Variants in CUX2 observed in about 807,000 individuals in gnomAD.
The protein encoded by CUX2 is homeobox protein cut-like 2.
Under a neutral mutation model 144.8 loss-of-function variants are expected in CUX2, and 40 were observed. That is an observed-to-expected ratio of 0.28 (90% CI 0.21 to 0.36). The LOEUF is 0.36. CUX2 is among the 10% of genes least tolerant of loss of function. CUX2 has a pLI of 1.00. For synonymous variants in CUX2, 827 were observed against 875.6 expected (o/e 0.94, Z 0.98); for missense variants, 1,615 against 1,994.0 (o/e 0.81, Z 3.62).
intron 20 of CUX2, chr12:111,339,411 C>T (rs1260953145): frequency 6.6e-6 from 1 of 152,168 alleles, no homozygotes; most frequent in East Asian, 1.9e-4. Context: ...TGGCCCATTA[C>T]CCAGATTCTA....
chr12:111,166,324 C>T (rs987111690), intron 1 of CUX2, among the ~76,000 whole-genome samples: 3 of 152,170 alleles, frequency 2.0e-5, no homozygotes, highest in African/African-American at 4.8e-5. Context: ...GCCCAGCCTG[C>T]GACATTTATT....
At chr12:111,326,783 A>G (rs1421575477) in intron 18 of CUX2, among the ~76,000 whole-genome samples, 1 of 152,048 alleles carries the variant, frequency 6.6e-6, no homozygotes, top group Non-Finnish European at 1.5e-5. Flanking sequence ...ACGCATCTGT[A>G]ATCCCAGCTA....
At chr12:111,079,695 C>T (rs1030250774) in intron 1 of CUX2, among the ~76,000 whole-genome samples, 4 of 152,202 alleles carry the variant, frequency 2.6e-5, no homozygotes, top group African/African-American at 7.2e-5. Flanking sequence ...CTTTGCACAT[C>T]CCTCAGCGGC....
chr12:111,269,339 G>A (rs960104771), intron 4 of CUX2, among the ~76,000 whole-genome samples: 6 of 152,246 alleles, frequency 3.9e-5, no homozygotes, highest in Non-Finnish European at 4.4e-5. Context: ...AAGGTTATTG[G>A]AGCAAAAAGA....
chr12:111,134,618 C>CTGTGTG (rs773865569), intron 1 of CUX2, among the ~76,000 whole-genome samples: 91 of 146,224 alleles, frequency 6.2e-4, no homozygotes, highest in Middle Eastern at 3.5e-3. Context: ...CTCTCTCTCT[C>CTGTGTG]TCTGTGTGTG....
chr12:111,128,513 C>T (rs1875236627), intron 1 of CUX2, among the ~76,000 whole-genome samples: 2 of 152,202 alleles, frequency 1.3e-5, no homozygotes, highest in Non-Finnish European at 2.9e-5. Context: ...TCAGGGCCTG[C>T]TTGGGCCCAA....
At chr12:111,066,714 C>A (rs1871036252) in intron 1 of CUX2, among the ~76,000 whole-genome samples, 1 of 152,192 alleles carries the variant, frequency 6.6e-6, no homozygotes, top group African/African-American at 2.4e-5. Context: ...CTTGACTGCT[C>A]TAAGGAGGAG....
intron 1 of CUX2, among the ~76,000 whole-genome samples, chr12:111,079,549 G>A (rs372216545): frequency 8.5e-5 from 13 of 152,114 alleles, no homozygotes; most frequent in East Asian, 3.9e-4. Context: ...TGTCTTCCTC[G>A]TTGCTGTTGG....
At chr12:111,148,395 C>T (rs1412693344) in intron 1 of CUX2, among the ~76,000 whole-genome samples, 6 of 151,642 alleles carry the variant, frequency 4.0e-5, no homozygotes, top group East Asian at 1.9e-4. Flanking sequence ...ATGGAGAGTT[C>T]GTGTTTGATG....
intron 3 of CUX2, among the ~76,000 whole-genome samples, chr12:111,244,550 T>G (rs912701449): frequency 6.6e-6 from 1 of 152,258 alleles, no homozygotes; most frequent in South Asian, 2.1e-4. Context: ...TGGTGTCATT[T>G]AACTTGTTCT....
chr12:111,041,315 T>C (rs2136002197), intron 1 of CUX2, among the ~76,000 whole-genome samples: 1 of 152,292 alleles, frequency 6.6e-6, no homozygotes, highest in East Asian at 1.9e-4. Context: ...TTGTCATTGG[T>C]ATTTTTAGAG....
chr12:111,156,521 A>C (rs774606310), intron 1 of CUX2, among the ~76,000 whole-genome samples: 3 of 151,904 alleles, frequency 2.0e-5, no homozygotes, highest in Non-Finnish European at 4.4e-5. Flanking sequence ...CCATCACCTG[A>C]CCCCTAGCGT....
chr12:111,074,823 C>A (rs1871434032), intron 1 of CUX2, among the ~76,000 whole-genome samples: 1 of 151,984 alleles, frequency 6.6e-6, no homozygotes, highest in South Asian at 2.1e-4. Flanking sequence ...TGTCTTAGCT[C>A]GTGGTACCGG....
intron 16 of CUX2, among the ~76,000 whole-genome samples, chr12:111,317,110 T>C (rs189741701): frequency 1.0e-3 from 154 of 152,348 alleles, no homozygotes; most frequent in Non-Finnish European, 1.6e-3. Context: ...TATTACTTTT[T>C]AATTGGAAAA....
intron 3 of CUX2, among the ~76,000 whole-genome samples, chr12:111,257,554 C>T (rs1234268635): frequency 1.8e-5 from 2 of 110,244 alleles, no homozygotes; most frequent in African/African-American, 7.2e-5. Flanking sequence ...TCCTCCTCCT[C>T]CCCTTCACTC....
intron 1 of CUX2, among the ~76,000 whole-genome samples, chr12:111,167,669 GGTTTGTTTGTTT>G (rs372984349): frequency 7.3e-6 from 1 of 136,136 alleles, no homozygotes; most frequent in Non-Finnish European, 1.6e-5. Context: ...GTTGGCCCTG[GGTTTGTTTGTTT>G]GTTTGTTTGT....
chr12:111,291,582 C>T, intron 5 of CUX2, 30 bp downstream of exon 5: 1 of 1,546,128 alleles, frequency 6.5e-7, no homozygotes, highest in Non-Finnish European at 8.7e-7. Flanking sequence ...GGAGCGTCTA[C>T]AATAAACAAC....
intron 1 of CUX2, among the ~76,000 whole-genome samples, chr12:111,078,916 G>A (rs1434355374): frequency 2.0e-5 from 3 of 152,186 alleles, no homozygotes; most frequent in Non-Finnish European, 4.4e-5. Context: ...TGAGGAAAAG[G>A]AGTCGTGCGT....
intron 1 of CUX2, among the ~76,000 whole-genome samples, chr12:111,127,299 T>A (rs1207812594): frequency 6.6e-6 from 1 of 152,218 alleles, no homozygotes; most frequent in Non-Finnish European, 1.5e-5. Flanking sequence ...TGACCCAACT[T>A]TCATTCCTGA....
Sources: gnomAD v4.1 joint callset for allele counts (sites outside exome capture counted in the v4.1 genomes callset) on GRCh38, gnomAD v4.1.1 for gene constraint, MANE v1.5 for transcripts, NCBI Gene and HGNC (gene_info 2026-07-23, HGNC 2026-07-21) for gene names.